YEATS2: variants seen among roughly 807,000 people sequenced by gnomAD.
The protein encoded by YEATS2 is YEATS domain containing 2, also known as YEATS domain-containing protein 2.
A neutral mutation model predicts 163.2 loss-of-function variants in YEATS2; 77 were observed. The observed-to-expected ratio is 0.47, with a 90% CI of 0.39 to 0.57. The LOEUF (loss-of-function observed/expected upper bound fraction) is 0.57, where lower values mean the gene tolerates loss of function less well. YEATS2 is among the 20% of genes least tolerant of loss of function. YEATS2 has a pLI of 0.00. For missense variants in YEATS2, 1,549 were observed against 1,729.8 expected (o/e 0.90, Z 1.85); for synonymous variants, 631 against 645.1 (o/e 0.98, Z 0.33).
chr3:183,797,853 G>T, intron 21 of YEATS2, 70 bp from the exon 22 acceptor site: 1 of 1,595,304 alleles, frequency 6.3e-7, no homozygotes, highest in South Asian at 1.1e-5. Context: ...AATATGGGTA[G>T]CACAGAGGAT....
chr3:183,780,270 G>A (rs1429337378), intron 19 of YEATS2, among the ~76,000 whole-genome samples: 2 of 152,180 alleles, frequency 1.3e-5, no homozygotes, highest in Non-Finnish European at 2.9e-5. Flanking sequence ...GCAGGGCATG[G>A]AGAACACTGG....
Position 183,747,904 on chromosome 3 carries a change from C to T in YEATS2, c.969+188C>T, listed in dbSNP as rs145167130. Among the ~76,000 whole-genome samples, 1,846 of 151,918 alleles carry T rather than the reference C, an allele frequency of 0.012. 65 individuals are homozygous for T. The East Asian group carries it at 0.14, about 12-fold the overall frequency. On this transcript the variant is annotated intron_variant, in intron 9 of 30. Transcript: ENST00000305135. ...AAGTGATTCTCCTACCTCAGCCTCC[C>T]GAGTAGCTGGGATTACAGGAACGCA...
rs183456722 is a variant in YEATS2 at position 183,733,245 on chromosome 3, C to T, written c.813-3473C>T. On this transcript the variant is annotated intron_variant, in intron 7 of 30. Coordinates refer to ENST00000305135, the MANE Select transcript of YEATS2 (RefSeq NM_018023.5). ...TTATATTGAGCAGAGATCTAACTTC[C>T]TCTAACTTCTAAACAGTAAGCTTTT... is the stretch of plus-strand genomic sequence containing the variant. Among the ~76,000 whole-genome samples, 756 of 152,320 alleles carry T rather than the reference C, an allele frequency of 5.0e-3. 20 individuals carry two copies. The highest frequency in any genetic ancestry group is 1.3e-3 in the Non-Finnish European group (90 of 68,028).
intron 1 of YEATS2, among the ~76,000 whole-genome samples, chr3:183,712,629 T>G (rs984948820): frequency 3.3e-5 from 5 of 152,152 alleles, no homozygotes; most frequent in African/African-American, 1.2e-4. Flanking sequence ...TTTCATAGAT[T>G]AACACTGTAA....
chr3:183,730,911 G>T (rs775320009), intron 7 of YEATS2, among the ~76,000 whole-genome samples: 29 of 152,148 alleles, frequency 1.9e-4, no homozygotes, highest in Admixed American at 5.9e-4. Context: ...AGCAGTGATG[G>T]CTGGTGAAAA....
At chr3:183,785,664 T>G (rs542173899) in intron 19 of YEATS2, among the ~76,000 whole-genome samples, 2 of 151,828 alleles carry the variant, frequency 1.3e-5, no homozygotes, top group African/African-American at 2.4e-5. Context: ...TCTAAAAAAA[T>G]AAAATAAAAT....
chr3:183,730,425 A>G (rs757151835), intron 7 of YEATS2, among the ~76,000 whole-genome samples: 8 of 152,016 alleles, frequency 5.3e-5, no homozygotes, highest in Admixed American at 2.6e-4. Flanking sequence ...TGAAATCTCT[A>G]TTCTCTGCTC....
At chr3:183,735,391 A>G (rs534233821) in intron 7 of YEATS2, among the ~76,000 whole-genome samples, 2 of 152,326 alleles carry the variant, frequency 1.3e-5, no homozygotes, top group East Asian at 1.9e-4. Flanking sequence ...GTGTGAATCT[A>G]TACCAACGTC....
Position 183,709,655 on chromosome 3 carries a change from A to G in YEATS2, c.-19-5489A>G, listed in dbSNP as rs373171077. Reference sequence around the variant, plus strand: ...TTGCCCACATTTACTTTTTATAATGAGGCTGTTTTAATGAGATAAATTTTT... The same window carrying G: ...TTGCCCACATTTACTTTTTATAATGGGGCTGTTTTAATGAGATAAATTTTT... On this transcript the variant is annotated intron_variant, in intron 1 of 30. Transcript: ENST00000305135. Among the ~76,000 whole-genome samples, 4 of 144,040 alleles carry G rather than the reference A, an allele frequency of 2.8e-5. No individual in the cohort carries two copies. The South Asian group carries it at 8.9e-4, about 32-fold the overall frequency. 94.5% of individuals were successfully genotyped at this position (144,040 alleles called of 152,430 possible).
Position 183,751,989 on chromosome 3 carries a change from G to A in YEATS2, c.970-84G>A, listed in dbSNP as rs1057457267. 2.1e-5 allele frequency: 31 copies of A among 1,459,398 alleles called. No homozygotes were observed. In the Admixed American group the frequency reaches 3.1e-4, roughly 15 times the overall value. The allele number at this position is 1,459,398 out of a possible 1,614,324, so 90.4% of individuals were successfully genotyped here. A position where few individuals can be genotyped will look rare whatever the true frequency, so the allele number is the denominator to read the frequency against. On this transcript the variant is annotated intron_variant, in intron 9 of 30. Transcript: ENST00000305135. ...GATTAGAAGTTATCTCTCACATCCC[G>A]GAGATTACATTCTTGGACGGGACTT...
intron 21 of YEATS2, among the ~76,000 whole-genome samples, chr3:183,797,572 A>AAATAAATAAATG (rs1332369298): frequency 2.9e-4 from 44 of 151,066 alleles, no homozygotes; most frequent in Non-Finnish European, 6.5e-4. Context: ...ATAAATAAAT[A>AAATAAATAAATG]AATAGGGACC....
chr3:183,716,683 A>G (rs989047031), intron 2 of YEATS2, among the ~76,000 whole-genome samples: 1 of 152,184 alleles, frequency 6.6e-6, no homozygotes, highest in African/African-American at 2.4e-5. Flanking sequence ...GGGAAAAGTG[A>G]TTGTTTTAAT....
At position 183,730,052 on chromosome 3, in the gene YEATS2, G is replaced by GTTTGTTTTTTTTTTTTTTT. The variant is rs1560244258; in HGVS notation, c.812+1204_812+1205insGTTTTTTTTTTTTTTTTTT. On this transcript the variant is annotated intron_variant, in intron 7 of 30. Transcript: ENST00000305135. ...ATATTAATTGTGTGGTTTTTTGTTT[G>GTTTGTTTTTTTTTTTTTTT]TTTTTTTTTTTTTTTTTTTTTTTTT... 1.7e-4 allele frequency among the ~76,000 whole-genome samples: 7 copies of GTTTGTTTTTTTTTTTTTTT among 41,698 alleles called. 1 individual carries two copies. The highest frequency in any genetic ancestry group is 1.4e-3 in the South Asian group (1 of 702). 27.4% of individuals were successfully genotyped at this position (41,698 alleles called of 152,430 possible). A position where few individuals can be genotyped will look rare whatever the true frequency, so the allele number is the denominator to read the frequency against.
At chr3:183,802,814 C>CAGCT (rs932823745) in intron 25 of YEATS2, 5 of 154,324 alleles carry the variant, frequency 3.2e-5, no homozygotes, top group African/African-American at 1.2e-4. Context: ...CCTGTAGTCC[C>CAGCT]AGCTCCTCGG....
At chr3:183,734,840 T>C (rs985254038) in intron 7 of YEATS2, among the ~76,000 whole-genome samples, 4 of 152,198 alleles carry the variant, frequency 2.6e-5, no homozygotes, top group South Asian at 2.1e-4. Flanking sequence ...CATAGTCTTA[T>C]GGTTTTTCCC....
intron 15 of YEATS2, among the ~76,000 whole-genome samples, chr3:183,768,632 C>G (rs1344019613): frequency 2.0e-5 from 3 of 152,102 alleles, no homozygotes; most frequent in African/African-American, 7.2e-5. Context: ...TGACCCTGCC[C>G]TGCTCTGTGG....
rs1387207262 is a variant in YEATS2, at chr3:183,801,531, A to G, written c.3502+3A>G. 1 of 1,605,672 alleles carries G rather than the reference A, an allele frequency of 6.2e-7. No individual in the cohort carries two copies. On this transcript the variant is annotated splice_donor_region_variant and intron_variant, in intron 25 of 30. Coordinates refer to ENST00000305135, the MANE Select transcript of YEATS2 (RefSeq NM_018023.5). ...GATTCCATTAATCACTGCAAAAAGT[A>G]AGACAATTACACTGAATATAGGGGT...
rs1713645903 is a variant in YEATS2, at chr3:183,697,987, A to G, written c.-26A>G. 6.6e-6 allele frequency: 1 copy of G among 151,478 alleles called. No homozygotes were observed. Among genetic ancestry groups the G allele is most frequent in the African/African-American group, 2.4e-5 (1 of 41,236 alleles). 9.4% of individuals were successfully genotyped at this position (151,478 alleles called of 1,614,324 possible). A position where few individuals can be genotyped will look rare whatever the true frequency, so the allele number is the denominator to read the frequency against. Reference sequence around the variant, plus strand: ...GCCCGCGCTGCAGCCGGAGACCCGGAGAAAGGGTGAGTGTTGGCGGGCGCA... The same window carrying G: ...GCCCGCGCTGCAGCCGGAGACCCGGGGAAAGGGTGAGTGTTGGCGGGCGCA... On this transcript the variant is annotated 5_prime_UTR_variant, in exon 1 of 31. Coordinates refer to ENST00000305135, the MANE Select transcript of YEATS2 (RefSeq NM_018023.5).
At position 183,796,978 on chromosome 3, in the gene YEATS2, C is replaced by T. The variant is rs371009219; in HGVS notation, c.3098-945C>T. Among the ~76,000 whole-genome samples, 21 of 152,084 alleles carry T rather than the reference C, an allele frequency of 1.4e-4. 1 individual carries two copies. The highest frequency in any genetic ancestry group is 5.2e-4 in the Admixed American group (8 of 15,262). Reference sequence around the variant, plus strand: ...AGGCACAGTGGTTCACATCTATAATCCCAGTGCTGGCCAGGCGCGGTAGCT... The same window carrying T: ...AGGCACAGTGGTTCACATCTATAATTCCAGTGCTGGCCAGGCGCGGTAGCT... On this transcript the variant is annotated intron_variant, in intron 21 of 30. Transcript: ENST00000305135.
Sources: gnomAD v4.1 joint callset for allele counts (sites outside exome capture counted in the v4.1 genomes callset) on GRCh38, gnomAD v4.1.1 for gene constraint, MANE v1.5 for transcripts, NCBI Gene and HGNC (gene_info 2026-07-23, HGNC 2026-07-21) for gene names.